The following SPOP variants were observed in gnomAD, a reference collection of about 807,000 sequenced individuals.
The protein encoded by SPOP is speckle type BTB/POZ protein.
SPOP carries 11 observed loss-of-function variants against 45.6 expected under a neutral mutation model. That is an observed-to-expected ratio of 0.24 (90% CI 0.15 to 0.40). The LOEUF (loss-of-function observed/expected upper bound fraction) is 0.40. SPOP is among the 10% of genes least tolerant of loss of function. The pLI is 1.00. For missense variants in SPOP, 152 were observed against 465.6 expected (o/e 0.33, Z 6.20); for synonymous variants, 166 against 166.3 (o/e 1.00, Z 0.01).
chr17:49,629,807 C>CAG (rs1312775123), intron 1 of SPOP, among the ~76,000 whole-genome samples: 1 of 152,108 alleles, frequency 6.6e-6, no homozygotes, highest in Non-Finnish European at 1.5e-5. Flanking sequence ...AACCAGTTAA[C>CAG]AGAGAGAGAG....
chr17:49,653,444 T>C (rs1467034265), intron 1 of SPOP, among the ~76,000 whole-genome samples: 1 of 152,122 alleles, frequency 6.6e-6, no homozygotes, highest in Non-Finnish European at 1.5e-5. Flanking sequence ...ATATTTTCCC[T>C]GTAGACACAC....
At chr17:49,675,917 G>A (rs1375846297) in intron 1 of SPOP, 2 of 152,360 alleles carry the variant, frequency 1.3e-5, no homozygotes, top group Non-Finnish European at 2.9e-5. Context: ...CTACTCGGGA[G>A]GCTGAGGCAG....
intron 1 of SPOP, among the ~76,000 whole-genome samples, chr17:49,655,078 C>T (rs148671294): frequency 6.6e-6 from 1 of 152,160 alleles, no homozygotes; most frequent in Admixed American, 6.5e-5. Context: ...AGATACTTAA[C>T]ATACACCCCT....
At chr17:49,639,585 G>A (rs1017100196) in intron 1 of SPOP, among the ~76,000 whole-genome samples, 1 of 152,102 alleles carries the variant, frequency 6.6e-6, no homozygotes, top group Non-Finnish European at 1.5e-5. Flanking sequence ...ATGGATGAAA[G>A]TTATGAACAT....
chr17:49,672,895 C>G (rs987777084), intron 1 of SPOP, among the ~76,000 whole-genome samples: 2 of 151,516 alleles, frequency 1.3e-5, no homozygotes, highest in Non-Finnish European at 1.5e-5. Flanking sequence ...TGCAGTGAGC[C>G]AAGATCATGC....
intron 5 of SPOP, chr17:49,612,897 C>T (rs988222575): frequency 2.0e-5 from 3 of 152,194 alleles, no homozygotes; most frequent in African/African-American, 4.8e-5. Flanking sequence ...ATCCCTTAAA[C>T]GCAGTCATAA....
chr17:49,630,415 T>C (rs2072429179), intron 1 of SPOP, among the ~76,000 whole-genome samples: 1 of 152,184 alleles, frequency 6.6e-6, no homozygotes, highest in Non-Finnish European at 1.5e-5. Context: ...TGAGTAAACT[T>C]TCTGCAGTTC....
chr17:49,618,306 T>C lies in SPOP; in HGVS notation c.480+675A>G, dbSNP rs562679777. On this transcript the variant is annotated intron_variant, in intron 5 of 9. Transcript: ENST00000504102. ...AACAGCATGAAATGACTAATCAGTA[T>C]ATACTCATTAAAGAAACCACTTTCC... 9.2e-5 allele frequency among the ~76,000 whole-genome samples: 14 copies of C among 152,330 alleles called. No individual in the cohort carries two copies. The East Asian group carries it at 2.1e-3, about 23-fold the overall frequency.
At chr17:49,666,120 C>G (rs1022864561) in intron 1 of SPOP, among the ~76,000 whole-genome samples, 11 of 151,474 alleles carry the variant, frequency 7.3e-5, no homozygotes, top group African/African-American at 2.4e-4. Context: ...GCAAAAAGAC[C>G]AATGGTATGG....
At chr17:49,632,190 C>A (rs1040485200) in intron 1 of SPOP, among the ~76,000 whole-genome samples, 8 of 152,198 alleles carry the variant, frequency 5.3e-5, no homozygotes, top group African/African-American at 1.9e-4. Context: ...CTATAGGAAT[C>A]CAGGCATACT....
chr17:49,613,274 TAAA>T (rs78472735), intron 5 of SPOP, among the ~76,000 whole-genome samples: 4 of 122,490 alleles, frequency 3.3e-5, no homozygotes, highest in Non-Finnish European at 3.6e-5. Context: ...AATACTAATT[TAAA>T]AAAAAAAAAA....
intron 2 of SPOP, chr17:49,622,528 T>C: frequency 1.7e-6 from 1 of 584,678 alleles, no homozygotes; most frequent in Non-Finnish European, 3.0e-6. Context: ...CCTTTCAACC[T>C]CCACTGAAAA....
chr17:49,610,857 G>A (rs558838536), intron 6 of SPOP, among the ~76,000 whole-genome samples: 8 of 152,260 alleles, frequency 5.3e-5, no homozygotes, highest in Non-Finnish European at 7.4e-5. Flanking sequence ...CTTCTAGTAT[G>A]TTTAAATTGA....
intron 5 of SPOP, among the ~76,000 whole-genome samples, chr17:49,617,181 A>T (rs2072106848): frequency 6.6e-6 from 1 of 152,274 alleles, no homozygotes; most frequent in African/African-American, 2.4e-5. Flanking sequence ...TAACACTGCC[A>T]GATGCAGTAT....
At chr17:49,624,695 A>G (rs2072294551) in intron 1 of SPOP, among the ~76,000 whole-genome samples, 1 of 151,958 alleles carries the variant, frequency 6.6e-6, no homozygotes, top group South Asian at 2.1e-4. Flanking sequence ...GCTGGTCTTG[A>G]ACTCCTGGAC....
At chr17:49,605,535 C>T in intron 8 of SPOP, among the ~76,000 whole-genome samples, 1 of 151,268 alleles carries the variant, frequency 6.6e-6, no homozygotes, top group Non-Finnish European at 1.5e-5. Flanking sequence ...ACTACATATA[C>T]AACAATTAGC....
chr17:49,674,019 G>A (rs1255485635), intron 1 of SPOP, among the ~76,000 whole-genome samples: 6 of 152,088 alleles, frequency 3.9e-5, no homozygotes, highest in Non-Finnish European at 7.4e-5. Context: ...GGTGTTGCAT[G>A]CCTGTAATCC....
intron 1 of SPOP, among the ~76,000 whole-genome samples, chr17:49,653,881 C>T (rs901007648): frequency 6.6e-6 from 1 of 151,186 alleles, no homozygotes; most frequent in Admixed American, 6.6e-5. Context: ...ACTTTGTTTA[C>T]AAGATTTAAG....
intron 1 of SPOP, among the ~76,000 whole-genome samples, chr17:49,633,217 C>A (rs1271007382): frequency 1.3e-5 from 2 of 152,118 alleles, no homozygotes; most frequent in Non-Finnish European, 2.9e-5. Context: ...AAGCCTATTT[C>A]TCCTTCCTCT....
Sources: gnomAD v4.1 joint callset for allele counts (sites outside exome capture counted in the v4.1 genomes callset) on GRCh38, gnomAD v4.1.1 for gene constraint, MANE v1.5 for transcripts, NCBI Gene and HGNC (gene_info 2026-07-23, HGNC 2026-07-21) for gene names.